Variants in PXDNL observed in about 807,000 individuals in gnomAD.
The protein encoded by PXDNL is probable oxidoreductase PXDNL.
Under a neutral mutation model 150.8 loss-of-function variants are expected in PXDNL, and 145 were observed. The observed-to-expected ratio is 0.96, with a 90% CI of 0.84 to 1.10. PXDNL has a LOEUF of 1.10. Among genes scored for constraint, PXDNL ranks in the 50% least tolerant of loss-of-function variants. The probability of loss-of-function intolerance (pLI) is 0.00; values close to 1 mark genes in which losing one functional copy is unlikely to be tolerated. For missense variants in PXDNL, 2,087 were observed against 1,873.9 expected, an observed-to-expected ratio of 1.11 and a Z score of -2.10; for synonymous variants, 757 against 725.7, an observed-to-expected ratio of 1.04 and a Z score of -0.69.
intron 2 of PXDNL, among the ~76,000 whole-genome samples, chr8:51,596,954 G>A (rs1813583733): frequency 6.6e-6 from 1 of 152,088 alleles, no homozygotes; most frequent in South Asian, 2.1e-4. Context: ...ATTTGCTTTT[G>A]AGGACGTAGT....
intron 8 of PXDNL, among the ~76,000 whole-genome samples, chr8:51,461,893 G>A (rs1810093798): frequency 6.6e-6 from 1 of 152,182 alleles, no homozygotes; most frequent in Non-Finnish European, 1.5e-5. Flanking sequence ...TACAAAAGAA[G>A]TGCATAGCTG....
intron 2 of PXDNL, among the ~76,000 whole-genome samples, chr8:51,611,258 C>T (rs963155106): frequency 3.9e-5 from 6 of 152,146 alleles, no homozygotes; most frequent in African/African-American, 1.4e-4. Context: ...GGATATATGA[C>T]ACCCTTATTA....
intron 8 of PXDNL, among the ~76,000 whole-genome samples, chr8:51,461,614 C>T (rs1356729515): frequency 6.6e-6 from 1 of 152,216 alleles, no homozygotes; most frequent in Non-Finnish European, 1.5e-5. Context: ...ACACACCACC[C>T]ATAGACATAT....
chr8:51,787,275 T>C (rs1176635129), intron 1 of PXDNL, among the ~76,000 whole-genome samples: 1 of 152,258 alleles, frequency 6.6e-6, no homozygotes, highest in Non-Finnish European at 1.5e-5. Context: ...TCAAGTCTTA[T>C]TATTTATGAA....
intron 3 of PXDNL, among the ~76,000 whole-genome samples, chr8:51,590,520 G>A (rs1813420811): frequency 6.6e-6 from 1 of 152,184 alleles, no homozygotes; most frequent in African/African-American, 2.4e-5. Context: ...CTGAGGCTTT[G>A]GAGACCCAAA....
chr8:51,561,548 CG>C (rs1433315540), intron 3 of PXDNL, among the ~76,000 whole-genome samples: 1 of 151,446 alleles, frequency 6.6e-6, no homozygotes, highest in Non-Finnish European at 1.5e-5. Context: ...TTTAAAAAAA[CG>C]AAGGAAATTC....
chr8:51,619,043 A>G (rs1449877881), intron 2 of PXDNL, among the ~76,000 whole-genome samples: 3 of 152,172 alleles, frequency 2.0e-5, no homozygotes, highest in African/African-American at 7.2e-5. Flanking sequence ...ATGATACCCC[A>G]AAGTGATAGC....
At position 51,681,958 on chromosome 8, in the gene PXDNL, T is replaced by C. The variant is rs555610119; in HGVS notation, c.165-27198A>G. On this transcript the variant is annotated intron_variant, in intron 1 of 22. Transcript: ENST00000356297. ...ATCATATTTAAGATATATTTCATAA[T>C]GTACTAGTATACGCTCATTGTAAAA... 2.6e-5 allele frequency among the ~76,000 whole-genome samples: 4 copies of C among 152,316 alleles called. No individual in the cohort carries two copies. In the East Asian group the frequency reaches 7.7e-4, roughly 29 times the overall value.
chr8:51,762,294 C>T (rs1216786731), intron 1 of PXDNL, among the ~76,000 whole-genome samples: 1 of 152,144 alleles, frequency 6.6e-6, no homozygotes, highest in Non-Finnish European at 1.5e-5. Flanking sequence ...CTTGCCATAC[C>T]TTGAAATTAT....
At chr8:51,471,682 T>A (rs989425556) in intron 8 of PXDNL, among the ~76,000 whole-genome samples, 10 of 151,970 alleles carry the variant, frequency 6.6e-5, no homozygotes, top group Non-Finnish European at 1.3e-4. Context: ...ATGCATAATT[T>A]TTTTTTTTGG....
At chr8:51,744,143 A>G (rs948830388) in intron 1 of PXDNL, among the ~76,000 whole-genome samples, 1 of 142,378 alleles carries the variant, frequency 7.0e-6, no homozygotes, top group African/African-American at 2.6e-5. Flanking sequence ...AAAGGAAGGA[A>G]GAAGGGAGGG....
intron 14 of PXDNL, among the ~76,000 whole-genome samples, chr8:51,414,104 T>G (rs1319061252): frequency 6.6e-6 from 1 of 151,964 alleles, no homozygotes; most frequent in African/African-American, 2.4e-5. Context: ...ATTAAAAACT[T>G]GAATAGTAAT....
Position 51,420,557 on chromosome 8 carries a change from G to T in PXDNL, c.1795+3018C>A, listed in dbSNP as rs374898091. On this transcript the variant is annotated intron_variant, in intron 14 of 22. Transcript: ENST00000356297. ...CAGAGACAAAAAAGTTTTTCTTTGT[G>T]GAATAACATTTATTTTACTGTATTA... is the stretch of plus-strand genomic sequence containing the variant. Among the ~76,000 whole-genome samples the T allele has an allele frequency of 1.4e-4, 22 of 151,940 alleles. No homozygotes were observed. The East Asian group carries it at 4.1e-3, about 28-fold the overall frequency.
intron 5 of PXDNL, among the ~76,000 whole-genome samples, chr8:51,484,898 G>A (rs1033084280): frequency 6.6e-6 from 1 of 152,192 alleles, no homozygotes; most frequent in Non-Finnish European, 1.5e-5. Flanking sequence ...ATTTGGCAAA[G>A]AGCCTATGTG....
intron 1 of PXDNL, among the ~76,000 whole-genome samples, chr8:51,660,340 C>T (rs984346056): frequency 6.6e-6 from 1 of 152,162 alleles, no homozygotes; most frequent in Non-Finnish European, 1.5e-5. Context: ...GAACTTGAGC[C>T]CCTTCCTGAG....
intron 17 of PXDNL, among the ~76,000 whole-genome samples, chr8:51,397,754 C>A (rs113754833): frequency 2.6e-5 from 4 of 151,894 alleles, no homozygotes; most frequent in East Asian, 1.9e-4. Flanking sequence ...TAGGGAGAGG[C>A]CTTTTTTTTT....
chr8:51,421,598 C>A (rs747858707), intron 14 of PXDNL, among the ~76,000 whole-genome samples: 43 of 152,200 alleles, frequency 2.8e-4, no homozygotes, highest in Non-Finnish European at 3.5e-4. Flanking sequence ...ACTCGGGAGG[C>A]TGGGGCAGGA....
At chr8:51,425,862 T>G (rs774720484) in intron 13 of PXDNL, among the ~76,000 whole-genome samples, 3 of 151,208 alleles carry the variant, frequency 2.0e-5, no homozygotes, top group Non-Finnish European at 4.4e-5. Flanking sequence ...TGAGAGGACA[T>G]GAACCGAAAG....
chr8:51,690,212 C>T (rs935323431), intron 1 of PXDNL, among the ~76,000 whole-genome samples: 2 of 152,062 alleles, frequency 1.3e-5, no homozygotes, highest in Non-Finnish European at 2.9e-5. Flanking sequence ...GGTACATGTG[C>T]ACAATGTGCA....
Sources: allele counts gnomAD v4.1 joint callset (sites outside exome capture counted in the v4.1 genomes callset), GRCh38; gene constraint gnomAD v4.1.1; transcripts MANE v1.5; gene names NCBI Gene and HGNC (gene_info 2026-07-23, HGNC 2026-07-21).